ADAMTSL1: variants seen among roughly 807,000 people sequenced by gnomAD.
ADAMTSL1 encodes the protein ADAMTS like 1, also known as ADAMTS-like protein 1.
A neutral mutation model predicts 201.8 loss-of-function variants in ADAMTSL1; 126 were observed. That is an observed-to-expected ratio of 0.62 (90% CI 0.54 to 0.72). The LOEUF (loss-of-function observed/expected upper bound fraction) is 0.72, where lower values mean the gene tolerates loss of function less well. ADAMTSL1 is among the 30% of genes least tolerant of loss of function. The pLI is 0.00. For synonymous variants in ADAMTSL1, 1,121 were observed against 903.4 expected (o/e 1.24, Z -4.32); for missense variants, 2,679 against 2,277.8 (o/e 1.18, Z -3.59).
At position 18,199,236 on chromosome 9, in the gene ADAMTSL1, G is replaced by A. The variant is rs1013223846; in HGVS notation, c.207+35255G>A. On this transcript the variant is annotated intron_variant, in intron 2 of 29. Transcript: ENST00000680146. The stretch of plus-strand genomic sequence containing the variant: ...TAACTAACCTGCACAATGTGCACAT[G>A]TACCCTAAAACTTAAAGTGTAATAA... Among the ~76,000 whole-genome samples the A allele has an allele frequency of 8.6e-5, 13 of 151,892 alleles. No individual in the cohort carries two copies. In the East Asian group the frequency reaches 2.5e-3, roughly 29 times the overall value.
At chr9:17,945,666 G>C (rs970554056) in intron 1 of ADAMTSL1, among the ~76,000 whole-genome samples, 42 of 152,158 alleles carry the variant, frequency 2.8e-4, no homozygotes, top group African/African-American at 1.0e-3. Context: ...ATCCTTTGTA[G>C]GGACATGGAT....
At chr9:18,566,489 T>A (rs1048961302) in intron 3 of ADAMTSL1, among the ~76,000 whole-genome samples, 1 of 152,062 alleles carries the variant, frequency 6.6e-6, no homozygotes, top group Non-Finnish European at 1.5e-5. Flanking sequence ...TAAAGACAAA[T>A]CAGCAGTGGG....
chr9:18,014,344 G>A (rs1311411699), intron 1 of ADAMTSL1, among the ~76,000 whole-genome samples: 1 of 151,984 alleles, frequency 6.6e-6, no homozygotes. Context: ...TAGTCACATC[G>A]AAGCATAACT....
At chr9:18,885,190 T>C (rs1449786281) in intron 23 of ADAMTSL1, among the ~76,000 whole-genome samples, 1 of 152,210 alleles carries the variant, frequency 6.6e-6, no homozygotes, top group African/African-American at 2.4e-5. Context: ...CAGTCCTCCT[T>C]TGCATCCTCC....
At chr9:18,307,848 A>T (rs1254710787) in intron 2 of ADAMTSL1, among the ~76,000 whole-genome samples, 1 of 152,212 alleles carries the variant, frequency 6.6e-6, no homozygotes, top group Non-Finnish European at 1.5e-5. Flanking sequence ...AGTGGACCTA[A>T]TAGACATCTA....
intron 3 of ADAMTSL1, among the ~76,000 whole-genome samples, chr9:18,557,802 C>A (rs987267629): frequency 2.0e-5 from 3 of 152,022 alleles, no homozygotes; most frequent in African/African-American, 7.2e-5. Context: ...CAACTGCAAT[C>A]TCCATATTTG....
intron 2 of ADAMTSL1, among the ~76,000 whole-genome samples, chr9:18,365,836 G>A (rs1323192215): frequency 3.3e-5 from 5 of 152,158 alleles, no homozygotes; most frequent in African/African-American, 1.2e-4. Context: ...CCTGAGTTCC[G>A]CCTGCTGTCA....
At chr9:18,281,694 G>A (rs983904636) in intron 2 of ADAMTSL1, among the ~76,000 whole-genome samples, 7 of 152,094 alleles carry the variant, frequency 4.6e-5, no homozygotes, top group Non-Finnish European at 5.9e-5. Flanking sequence ...AACCTGTTCC[G>A]GGACCATTGT....
At chr9:18,398,993 G>A (rs1817857195) in intron 2 of ADAMTSL1, among the ~76,000 whole-genome samples, 1 of 151,908 alleles carries the variant, frequency 6.6e-6, no homozygotes, top group African/African-American at 2.4e-5. Context: ...GTATGTTGAA[G>A]TGTAAGGGTA....
rs533175074 is a variant in ADAMTSL1, at chr9:18,840,419, T to C, written c.4249+10442T>C. Among the ~76,000 whole-genome samples, 3 of 152,336 alleles carry C rather than the reference T, an allele frequency of 2.0e-5. No homozygotes were observed. In the South Asian group the frequency reaches 6.2e-4, roughly 32 times the overall value. ...TATCTCTGTTTTGGTACCAGTACCA[T>C]GGTGTTTTGGTTACTGTAGCCTTCT... is the stretch of plus-strand genomic sequence containing the variant. On this transcript the variant is annotated intron_variant, in intron 23 of 28. Coordinates refer to ENST00000380548, the MANE Select transcript of ADAMTSL1 (RefSeq NM_001040272.6).
rs572233532 is a variant in ADAMTSL1 at position 18,464,863 on chromosome 9, T to C, written c.208-39966T>C. On this transcript the variant is annotated intron_variant, in intron 2 of 29. Coordinates refer to the ADAMTSL1 transcript ENST00000680146. Reference sequence around the variant, plus strand: ...AGAAAGGGTGAGATTTGTTTAAAACTATAGACTGAGAAAAGATTTAGCCAT... The same window carrying C: ...AGAAAGGGTGAGATTTGTTTAAAACCATAGACTGAGAAAAGATTTAGCCAT... Among the ~76,000 whole-genome samples the C allele has an allele frequency of 3.9e-5, 6 of 152,290 alleles. No individual in the cohort carries two copies. In the South Asian group the frequency reaches 1.2e-3, roughly 32 times the overall value.
intron 2 of ADAMTSL1, among the ~76,000 whole-genome samples, chr9:18,281,424 A>G (rs1035806081): frequency 1.3e-5 from 2 of 152,156 alleles, no homozygotes; most frequent in Non-Finnish European, 2.9e-5. Context: ...TGGGCTCCAG[A>G]GTCAGCCACT....
intron 23 of ADAMTSL1, among the ~76,000 whole-genome samples, chr9:18,874,838 T>C (rs1828051419): frequency 6.6e-6 from 1 of 152,118 alleles, no homozygotes; most frequent in Admixed American, 6.5e-5. Flanking sequence ...TTCAGTAGGA[T>C]TGGTACTAAC....
intron 23 of ADAMTSL1, among the ~76,000 whole-genome samples, chr9:18,841,813 G>T (rs1334232687): frequency 3.3e-5 from 5 of 152,210 alleles, no homozygotes; most frequent in Non-Finnish European, 7.3e-5. Context: ...AGATTTTCTA[G>T]TTTATTTGCG....
intron 26 of ADAMTSL1, among the ~76,000 whole-genome samples, chr9:18,901,258 A>G (rs898193629): frequency 1.3e-5 from 2 of 152,168 alleles, no homozygotes; most frequent in African/African-American, 4.8e-5. Context: ...CATTCCAGGG[A>G]GCTTGTTGCC....
At chr9:17,945,566 C>T (rs1414887264) in intron 1 of ADAMTSL1, among the ~76,000 whole-genome samples, 1 of 151,942 alleles carries the variant, frequency 6.6e-6, no homozygotes, top group Non-Finnish European at 1.5e-5. Flanking sequence ...GGAACCAACC[C>T]AAATGTCCAA....
chr9:18,171,960 T>C (rs886583503), intron 2 of ADAMTSL1, among the ~76,000 whole-genome samples: 1 of 152,022 alleles, frequency 6.6e-6, no homozygotes, highest in African/African-American at 2.4e-5. Flanking sequence ...TTCTTGTTTT[T>C]TCACGTTTGC....
chr9:18,553,767 T>C (rs1291977451), intron 3 of ADAMTSL1, among the ~76,000 whole-genome samples: 1 of 151,818 alleles, frequency 6.6e-6, no homozygotes, highest in Non-Finnish European at 1.5e-5. Flanking sequence ...CTAACTACCA[T>C]CGTTGCCATT....
chr9:17,984,182 C>G (rs1303810108), intron 1 of ADAMTSL1, among the ~76,000 whole-genome samples: 3 of 151,946 alleles, frequency 2.0e-5, no homozygotes, highest in Admixed American at 2.0e-4. Flanking sequence ...CTTTCTTTTT[C>G]AAAATTAAAA....
Sources: gnomAD v4.1 joint callset for allele counts (sites outside exome capture counted in the v4.1 genomes callset) on GRCh38, gnomAD v4.1.1 for gene constraint, MANE v1.5 for transcripts, NCBI Gene and HGNC (gene_info 2026-07-23, HGNC 2026-07-21) for gene names.